The following XKR9 variants were observed in gnomAD, a reference collection of about 807,000 sequenced individuals.
The protein encoded by XKR9 is XK-related protein 9.
A neutral mutation model predicts 32.0 loss-of-function variants in XKR9; 32 were observed. The observed-to-expected ratio is 1.00, with a 90% CI of 0.76 to 1.34. The LOEUF is 1.34. XKR9 is among the 40% of genes most tolerant of loss of function. The pLI, the probability that XKR9 is intolerant of heterozygous loss-of-function variation, is 0.00. For synonymous variants in XKR9, 168 were observed against 143.4 expected, an observed-to-expected ratio of 1.17 and a Z score of -1.22; for missense variants, 546 against 429.7, an observed-to-expected ratio of 1.27 and a Z score of -2.39.
At chr8:70,970,141 T>C in the XKR9 span, among the ~76,000 whole-genome samples, 1 of 152,202 alleles carries the variant, frequency 6.6e-6, no homozygotes, top group South Asian at 2.1e-4. Flanking sequence ...ATCAGCTCGT[T>C]GATTGATGGG....
the XKR9 span, among the ~76,000 whole-genome samples, chr8:70,958,873 A>G: frequency 6.6e-6 from 1 of 152,082 alleles, no homozygotes; most frequent in East Asian, 1.9e-4. Context: ...CAATAAAAGT[A>G]CTCATTTCAT....
chr8:70,842,172 C>T, the XKR9 span, among the ~76,000 whole-genome samples: 1 of 151,994 alleles, frequency 6.6e-6, no homozygotes, highest in Non-Finnish European at 1.5e-5. Flanking sequence ...TCATGGATTT[C>T]TGTTTTATTT....
the XKR9 span, among the ~76,000 whole-genome samples, chr8:70,881,727 A>G: frequency 6.6e-6 from 1 of 152,190 alleles, no homozygotes; most frequent in Non-Finnish European, 1.5e-5. Context: ...AGGATATAGA[A>G]CTAGAATTAC....
downstream of XKR9, among the ~76,000 whole-genome samples, chr8:70,736,452 G>T (rs565927092): frequency 1.3e-5 from 2 of 152,218 alleles, no homozygotes; most frequent in Non-Finnish European, 2.9e-5. Flanking sequence ...CTTTTGCTGT[G>T]CAGAAGCTCT....
chr8:70,991,587 C>T, the XKR9 span, among the ~76,000 whole-genome samples: 402 of 152,210 alleles, frequency 2.6e-3, 1 homozygote, highest in African/African-American at 9.0e-3. Context: ...CTCTTAACAG[C>T]GTGACTCAGG....
chr8:70,954,792 A>G, the XKR9 span, among the ~76,000 whole-genome samples: 1 of 152,210 alleles, frequency 6.6e-6, no homozygotes, highest in African/African-American at 2.4e-5. Flanking sequence ...ATTTGTAGGC[A>G]GACAACAGTA....
chr8:70,729,918 G>A (rs1318322931), intron 4 of XKR9, among the ~76,000 whole-genome samples: 3 of 152,272 alleles, frequency 2.0e-5, no homozygotes, highest in South Asian at 2.1e-4. Flanking sequence ...ATGTCTAAAG[G>A]ATTAATTAGG....
the XKR9 span, among the ~76,000 whole-genome samples, chr8:70,946,508 CATT>C: frequency 6.6e-6 from 1 of 152,154 alleles, no homozygotes; most frequent in Non-Finnish European, 1.5e-5. Context: ...AGTAAAGTGT[CATT>C]ATCTCTGTTT....
the XKR9 span, among the ~76,000 whole-genome samples, chr8:70,944,480 G>A: frequency 6.6e-6 from 1 of 152,180 alleles, no homozygotes; most frequent in African/African-American, 2.4e-5. Context: ...GAGAGTGTGA[G>A]GTCTTATGGA....
the XKR9 span, among the ~76,000 whole-genome samples, chr8:71,062,700 C>A: frequency 6.6e-6 from 1 of 151,468 alleles, no homozygotes; most frequent in Non-Finnish European, 1.5e-5. Context: ...TTTTTTCAGT[C>A]AGATTTGTCA....
At chr8:71,041,318 G>A in the XKR9 span, among the ~76,000 whole-genome samples, 7 of 152,012 alleles carry the variant, frequency 4.6e-5, 1 homozygote, top group African/African-American at 1.7e-4. Context: ...TATGTTTGGG[G>A]GAATTTTCTG....
chr8:70,761,322 CCCA>C (rs555465203), intron 2 of XKR9, among the ~76,000 whole-genome samples: 2 of 152,198 alleles, frequency 1.3e-5, no homozygotes, highest in East Asian at 1.9e-4. Flanking sequence ...AATTTACACT[CCCA>C]CCAACAGTGT....
At chr8:71,033,564 G>C in the XKR9 span, among the ~76,000 whole-genome samples, 5 of 152,122 alleles carry the variant, frequency 3.3e-5, no homozygotes, top group African/African-American at 1.2e-4. Context: ...TAGTTGCGGG[G>C]TGTTTGGGTC....
the XKR9 span, among the ~76,000 whole-genome samples, chr8:70,844,338 A>G: frequency 1.3e-5 from 2 of 152,120 alleles, no homozygotes; most frequent in Non-Finnish European, 2.9e-5. Flanking sequence ...TGCTGCTGCC[A>G]TTGATGCCAC....
the XKR9 span, among the ~76,000 whole-genome samples, chr8:71,061,916 C>T: frequency 6.6e-6 from 1 of 152,214 alleles, no homozygotes; most frequent in African/African-American, 2.4e-5. Flanking sequence ...CTCTGTGACA[C>T]TGCAGCATGT....
the XKR9 span, among the ~76,000 whole-genome samples, chr8:70,972,100 T>C: frequency 1.3e-5 from 2 of 152,158 alleles, no homozygotes; most frequent in East Asian, 3.8e-4. Flanking sequence ...AGCATGGATG[T>C]GTTTCATTTG....
chr8:70,944,539 T>A, the XKR9 span, among the ~76,000 whole-genome samples: 2 of 152,172 alleles, frequency 1.3e-5, no homozygotes, highest in African/African-American at 4.8e-5. Context: ...TCTTATCTTG[T>A]TTATGGTCTC....
chr8:71,061,291 G>C, the XKR9 span, among the ~76,000 whole-genome samples: 4 of 152,090 alleles, frequency 2.6e-5, no homozygotes, highest in African/African-American at 9.7e-5. Context: ...AAGTGGCCCT[G>C]CCATCATAGT....
the XKR9 span, among the ~76,000 whole-genome samples, chr8:70,804,122 G>T: frequency 2.6e-5 from 4 of 152,226 alleles, no homozygotes; most frequent in Non-Finnish European, 4.4e-5. Flanking sequence ...TGCCATGCAG[G>T]TATATCCTGG....
Sources: allele counts gnomAD v4.1 joint callset (sites outside exome capture counted in the v4.1 genomes callset), GRCh38; gene constraint gnomAD v4.1.1; transcripts MANE v1.5; gene names NCBI Gene and HGNC (gene_info 2026-07-23, HGNC 2026-07-21).